Variants in MAP7D2 observed in about 807,000 individuals in gnomAD.
The protein encoded by MAP7D2 is MAP7 domain containing 2, also known as MAP7 domain-containing protein 2.
In MAP7D2, 33 loss-of-function variants were observed where a neutral mutation model predicts 63.5. The ratio of observed to expected loss-of-function variants is 0.52; its 90% CI spans 0.39 to 0.70. MAP7D2 has a LOEUF of 0.70. Ranked by LOEUF, MAP7D2 falls within the 30% of genes least tolerant of loss-of-function variation. MAP7D2 has a pLI of 0.00. For synonymous variants in MAP7D2, 224 were observed against 223.7 expected, an observed-to-expected ratio of 1.00 and a Z score of -0.01; for missense variants, 626 against 604.0, an observed-to-expected ratio of 1.04 and a Z score of -0.38.
intron 8 of MAP7D2, among the ~76,000 whole-genome samples, chrX:20,028,163 C>T (rs1260294848): frequency 1.8e-5 from 2 of 111,645 alleles, no homozygotes; most frequent in African/African-American, 6.5e-5. Flanking sequence ...GTACTATTAT[C>T]ATGGCCTCTT....
chrX:20,090,025 T>C (rs2066023507), intron 1 of MAP7D2, among the ~76,000 whole-genome samples: 1 of 111,726 alleles, frequency 9.0e-6, no homozygotes, highest in African/African-American at 3.3e-5. Flanking sequence ...TTACAGTCAA[T>C]TCTATGCTAT....
chrX:20,050,900 T>A lies in MAP7D2; in HGVS notation c.642A>T (p.Arg214=). 1 of 1,176,758 alleles carries A rather than the reference T, an allele frequency of 8.5e-7. No homozygotes were observed. The highest frequency in any genetic ancestry group is 1.9e-5 in the South Asian group (1 of 53,032). ...AAGAAGACTGTGTGGGTGTCAACAGTCGCGAAACAAGAATGGCTTCCATTG... is the reference window on the plus strand; with the variant it reads ...AAGAAGACTGTGTGGGTGTCAACAGACGCGAAACAAGAATGGCTTCCATTG... ...LSPMEAILVS[R]LLTPTQSSLA... Residue 214 remains arginine, a synonymous_variant, in exon 6 of 17, where the codon CGA becomes CGT. Coordinates refer to ENST00000379643, the MANE Select transcript of MAP7D2 (RefSeq NM_001168465.2).
intron 1 of MAP7D2, among the ~76,000 whole-genome samples, 161 bp from the exon 2 acceptor site, chrX:20,064,966 C>T (rs1476787874): frequency 8.9e-6 from 1 of 112,415 alleles, no homozygotes; most frequent in Non-Finnish European, 1.9e-5. Flanking sequence ...CTCTCCATGA[C>T]ACACACAGCT....
chrX:20,088,588 G>C (rs113516336), intron 1 of MAP7D2, among the ~76,000 whole-genome samples: 1 of 98,227 alleles, frequency 1.0e-5, no homozygotes, highest in African/African-American at 3.5e-5. Flanking sequence ...GCCTCCCAAA[G>C]TGTTGGGATT....
chrX:20,036,334 C>A (rs2074229896), intron 8 of MAP7D2, among the ~76,000 whole-genome samples: 1 of 109,808 alleles, frequency 9.1e-6, no homozygotes, highest in South Asian at 4.1e-4. Context: ...CCTCCGCCTC[C>A]CGGGTTCAAG....
intron 1 of MAP7D2, among the ~76,000 whole-genome samples, chrX:20,086,545 T>G (rs983221920): frequency 3.6e-5 from 4 of 111,614 alleles, no homozygotes; most frequent in Non-Finnish European, 7.5e-5. Context: ...AGAACAGTGG[T>G]TGGCATCGTA....
At chrX:20,094,541 TGTATATATATATATATATATATATATAC>T (rs1569141072) in intron 1 of MAP7D2, among the ~76,000 whole-genome samples, 135 of 9,164 alleles carry the variant, frequency 0.015, 15 homozygotes, top group East Asian at 0.027. Context: ...TATATATATA[TGTATATATATATATATATATATATATAC>T]ATATATATGT....
chrX:20,106,616 A>G (rs2066573146), intron 1 of MAP7D2, among the ~76,000 whole-genome samples: 1 of 112,609 alleles, frequency 8.9e-6, no homozygotes, highest in African/African-American at 3.2e-5. Flanking sequence ...CACTAGCCGC[A>G]GTTGGCTATT....
intron 8 of MAP7D2, among the ~76,000 whole-genome samples, chrX:20,029,480 C>G (rs1437659244): frequency 8.9e-6 from 1 of 112,263 alleles, no homozygotes; most frequent in African/African-American, 3.2e-5. Context: ...CTGACAGCCT[C>G]AAGTTGGCAT....
At chrX:20,073,625 G>A (rs1391337073) in intron 1 of MAP7D2, among the ~76,000 whole-genome samples, 1 of 106,032 alleles carries the variant, frequency 9.4e-6, no homozygotes, top group Non-Finnish European at 1.9e-5. Flanking sequence ...CACCTCCCAG[G>A]TTCACACCAT....
rs200191000 is a variant in MAP7D2, at chrX:20,068,363, C to T, written c.131-3558G>A. ...CTCTGCACGTCTAGCTGCTCTGGGG[C>T]ACATGTGGATAAGGAAGTCTGAGTT... On this transcript the variant is annotated intron_variant, in intron 1 of 16. Transcript: ENST00000379643. Among the ~76,000 whole-genome samples the T allele has an allele frequency of 3.6e-5, 4 of 112,118 alleles. No individual in the cohort carries two copies. In the East Asian group the frequency reaches 1.1e-3, roughly 31 times the overall value.
At chrX:20,035,724 A>C (rs755513436) in intron 8 of MAP7D2, among the ~76,000 whole-genome samples, 23 of 109,793 alleles carry the variant, frequency 2.1e-4, no homozygotes, top group African/African-American at 7.7e-4. Context: ...CCCCATCTCT[A>C]CTAAAAACAA....
intron 1 of MAP7D2, among the ~76,000 whole-genome samples, chrX:20,096,714 T>C (rs1403174050): frequency 3.6e-5 from 4 of 111,132 alleles, no homozygotes; most frequent in Admixed American, 2.9e-4. Flanking sequence ...TTACACAACA[T>C]TGTGAATGTA....
At chrX:20,063,706 T>C in intron 2 of MAP7D2, 129 bp from the exon 3 acceptor site, 2 of 709,099 alleles carry the variant, frequency 2.8e-6, no homozygotes, top group Non-Finnish European at 4.1e-6. Context: ...ATGCAGTGAT[T>C]GAGATAAAGG....
At chrX:20,098,390 G>C (rs1342892235) in intron 1 of MAP7D2, among the ~76,000 whole-genome samples, 2 of 112,385 alleles carry the variant, frequency 1.8e-5, no homozygotes, top group African/African-American at 6.5e-5. Context: ...AGTTAGAGAA[G>C]AGAGACACCA....
At chrX:20,059,775 G>A (rs1164809146) in intron 3 of MAP7D2, among the ~76,000 whole-genome samples, 1 of 110,682 alleles carries the variant, frequency 9.0e-6, no homozygotes, top group Admixed American at 9.6e-5. Flanking sequence ...AGATAGAAAG[G>A]AAGGAAAGGG....
rs187692172 is a variant in MAP7D2, at chrX:20,032,017, T to C, written c.1008-6065A>G. On this transcript the variant is annotated intron_variant, in intron 8 of 16. Transcript: ENST00000379643. ...ACTGTGCAAGACTGAGTGAGGGTGA[T>C]AGGGGATGGGAAGGATGACAGAAAT... is the stretch of plus-strand genomic sequence containing the variant. Among the ~76,000 whole-genome samples, 148 of 111,215 alleles carry C rather than the reference T, an allele frequency of 1.3e-3. 1 individual carries two copies. The highest frequency in any genetic ancestry group is 9.3e-3 in the Middle Eastern group (2 of 216).
intron 1 of MAP7D2, among the ~76,000 whole-genome samples, chrX:20,088,018 T>C (rs898339120): frequency 1.3e-4 from 14 of 106,118 alleles, no homozygotes; most frequent in Non-Finnish European, 2.5e-4. Context: ...GCCTCCTGAA[T>C]AGTTGGGATT....
chrX:20,036,270 G>A lies in MAP7D2; in HGVS notation c.1007+6232C>T, dbSNP rs377250992. 1.7e-4 allele frequency among the ~76,000 whole-genome samples: 19 copies of A among 110,024 alleles called. No individual in the cohort carries two copies. In the South Asian group the frequency reaches 3.5e-3, roughly 21 times the overall value. ...TATTTTATTTTTTATTTTTTGAGAC[G>A]GAGTCTTGCACTGTTGCCTGGGCTG... On this transcript the variant is annotated intron_variant, in intron 8 of 16. Coordinates refer to ENST00000379643, the MANE Select transcript of MAP7D2 (RefSeq NM_001168465.2).
Sources: allele counts gnomAD v4.1 joint callset (sites outside exome capture counted in the v4.1 genomes callset), GRCh38; gene constraint gnomAD v4.1.1; transcripts MANE v1.5; gene names NCBI Gene and HGNC (gene_info 2026-07-23, HGNC 2026-07-21).